Variants in TSPAN4 observed in about 807,000 individuals in gnomAD.
The protein encoded by TSPAN4 is tetraspanin 4, also known as tetraspanin-4.
TSPAN4 carries 38 observed loss-of-function variants against 31.5 expected under a neutral mutation model. The observed-to-expected ratio is 1.21, with a 90% CI of 0.93 to 1.58. The LOEUF (loss-of-function observed/expected upper bound fraction) is 1.58. Ranked by LOEUF, TSPAN4 falls within the 40% of genes most tolerant of loss-of-function variation. TSPAN4 has a pLI of 0.00. For missense variants in TSPAN4, 330 were observed against 317.3 expected, an observed-to-expected ratio of 1.04 and a Z score of -0.30; for synonymous variants, 186 against 144.6, an observed-to-expected ratio of 1.29 and a Z score of -2.06.
intron 3 of TSPAN4, among the ~76,000 whole-genome samples, chr11:859,115 T>TAC (rs1366701021): frequency 1.9e-5 from 1 of 52,024 alleles, no homozygotes; most frequent in Non-Finnish European, 3.7e-5. Flanking sequence ...GGCTCACACG[T>TAC]GCCCTGGCTC....
chr11:853,972 T>C (rs954865543), intron 3 of TSPAN4, among the ~76,000 whole-genome samples: 4 of 152,130 alleles, frequency 2.6e-5, no homozygotes, highest in African/African-American at 9.7e-5. Context: ...TTAGCAATGG[T>C]GAGGGCGTGG....
intron 4 of TSPAN4, chr11:864,177 G>A: frequency 1.8e-6 from 1 of 569,338 alleles, no homozygotes; most frequent in South Asian, 2.1e-5. Context: ...CCAGGGATGG[G>A]GGCAGGGGAG....
chr11:851,708 T>C (rs1270124154), intron 3 of TSPAN4, among the ~76,000 whole-genome samples: 1 of 145,982 alleles, frequency 6.9e-6, no homozygotes, highest in African/African-American at 2.5e-5. Context: ...GTGGGTGTGG[T>C]CTGGAGCTGG....
chr11:848,415 G>C lies in TSPAN4; in HGVS notation c.-18+1115G>C, dbSNP rs529232883. Among the ~76,000 whole-genome samples, 5 of 152,002 alleles carry C rather than the reference G, an allele frequency of 3.3e-5. No homozygotes were observed. The highest frequency in any genetic ancestry group is 5.9e-5 in the Non-Finnish European group (4 of 67,946). ...GGGCCCCCTGTCCCCTTCCCCCAGCGAGGACCTGGGCATGGGGTGCTGCCC... is the reference window on the plus strand; with the variant it reads ...GGGCCCCCTGTCCCCTTCCCCCAGCCAGGACCTGGGCATGGGGTGCTGCCC... On this transcript the variant is annotated intron_variant, in intron 2 of 8. Transcript: ENST00000397397. The surrounding 1 kb of genome is among the most constrained non-coding windows in gnomAD (Gnocchi z 5.7).
chr11:859,202 G>C (rs1848268823), intron 3 of TSPAN4, among the ~76,000 whole-genome samples: 1 of 85,956 alleles, frequency 1.2e-5, no homozygotes, highest in South Asian at 4.5e-4. Flanking sequence ...ATGCACCCAG[G>C]CTCACACACC....
Position 854,581 on chromosome 11 carries a change from C to T in TSPAN4, c.63+4214C>T, listed in dbSNP as rs189057895. ...TCCAGGGCCCCAGCCTGGAGGGGCA[C>T]GGGGGCTGTCCTGGCTCTGCGCTGC... On this transcript the variant is annotated intron_variant, in intron 3 of 8. Transcript: ENST00000397397. Among the ~76,000 whole-genome samples, 46 of 152,304 alleles carry T rather than the reference C, an allele frequency of 3.0e-4. 1 individual carries two copies. The East Asian group carries it at 3.7e-3, about 12-fold the overall frequency.
rs534815258 is a variant in TSPAN4, at chr11:855,187, G to A, written c.63+4820G>A. Among the ~76,000 whole-genome samples the A allele has an allele frequency of 7.6e-4, 116 of 152,282 alleles. 1 individual carries two copies. The highest frequency in any genetic ancestry group is 2.7e-3 in the African/African-American group (113 of 41,548). On this transcript the variant is annotated intron_variant, in intron 3 of 8. Coordinates refer to ENST00000397397, the MANE Select transcript of TSPAN4 (RefSeq NM_003271.5). The stretch of plus-strand genomic sequence containing the variant: ...CAGCTGGCGGCAGGGCAGGCAGGCC[G>A]GGCCTCTGTGTGGAGAGGGCTGTCT...
chr11:849,422 C>T (rs1480524942), intron 2 of TSPAN4, among the ~76,000 whole-genome samples: 3 of 151,996 alleles, frequency 2.0e-5, no homozygotes, highest in African/African-American at 7.2e-5. Context: ...GGTCACCCTC[C>T]ATTTGCGTAG....
At position 866,669 on chromosome 11, in the gene TSPAN4, C is replaced by A. The variant is rs761090659; in HGVS notation, c.*39C>A. On this transcript the variant is annotated 3_prime_UTR_variant, in exon 9 of 9. Transcript: ENST00000397397. ...CGCTTCTCTGCCAAAAGGACGCCCA[C>A]GGGGAGATGGCCGCACCCACAGCTG... 2 of 1,588,278 alleles carry A rather than the reference C, an allele frequency of 1.3e-6. No individual in the cohort carries two copies. The highest frequency in any genetic ancestry group is 1.7e-6 in the Non-Finnish European group (2 of 1,165,616).
Position 864,478 on chromosome 11 carries a change from C to G in TSPAN4, c.297C>G (p.Thr99=), listed in dbSNP as rs1173331445. ...TGCTGGTGTTCCTGCTGGAGGCCAC[C>G]ATCGCCATCCTCTTCTTCGCCTACA... ...LLLLVFLLEA[T]IAILFFAYTD... The change falls in exon 5 of 9, where the codon ACC becomes ACG. Residue 99 remains threonine (T), a synonymous_variant. Transcript: ENST00000397397. 7 of 1,612,852 alleles carry G rather than the reference C, an allele frequency of 4.3e-6. No individual in the cohort carries two copies. The highest frequency in any genetic ancestry group is 5.9e-6 in the Non-Finnish European group (7 of 1,179,948).
At chr11:863,046 T>TACACACGC (rs1226800917) in intron 4 of TSPAN4, 5 of 292,738 alleles carry the variant, frequency 1.7e-5, no homozygotes, top group African/African-American at 1.1e-4. Context: ...CGCACACACG[T>TACACACGC]ACACACGCAT....
intron 3 of TSPAN4, among the ~76,000 whole-genome samples, chr11:852,901 C>CT (rs1554990370): frequency 2.5e-3 from 4 of 1,606 alleles, no homozygotes; most frequent in African/African-American, 5.2e-3. Flanking sequence ...TCTGTCCTGA[C>CT]CCCCCGCTGC....
chr11:865,322 G>GT, intron 5 of TSPAN4, 191 bp from the exon 6 acceptor site: 5 of 594,968 alleles, frequency 8.4e-6, no homozygotes, highest in Non-Finnish European at 1.2e-5. Context: ...AAGCCCAGAG[G>GT]TGGGGGCCCT....
At chr11:845,453 C>G (rs1847264248) in intron 1 of TSPAN4, among the ~76,000 whole-genome samples, 1 of 152,150 alleles carries the variant, frequency 6.6e-6, no homozygotes, top group African/African-American at 2.4e-5. Context: ...GGGGCCGAGA[C>G]TGAACTGACC....
At chr11:866,337 T>G (rs1297784509) in intron 8 of TSPAN4, among the ~76,000 whole-genome samples, 1 of 149,416 alleles carries the variant, frequency 6.7e-6, no homozygotes, top group East Asian at 2.0e-4. Context: ...CAGGAAGTTC[T>G]GGGTGTCCTC....
chr11:862,326 G>T (rs1361235863), intron 3 of TSPAN4: 1 of 559,634 alleles, frequency 1.8e-6, no homozygotes, highest in Non-Finnish European at 3.1e-6. Flanking sequence ...TGTGGCCATG[G>T]AGTGTGGGTT....
In TSPAN4 at chr11:862,538, G is replaced by A. The variant is rs761261898; in HGVS notation, c.64-12G>A. ...TCACCCTGTCTGTGTCTCTCCTGTTGCTGTGCCCCAGCTGGGAGGCTGTGG... is the reference window on the plus strand; with the variant it reads ...TCACCCTGTCTGTGTCTCTCCTGTTACTGTGCCCCAGCTGGGAGGCTGTGG... On this transcript the variant is annotated splice_polypyrimidine_tract_variant and intron_variant, in intron 3 of 8. Transcript: ENST00000397397. 4.4e-6 allele frequency: 7 copies of A among 1,597,308 alleles called. No individual in the cohort carries two copies. The Admixed American group carries it at 8.5e-5, about 19-fold the overall frequency.
At chr11:847,535 G>A (rs1431818141) in intron 2 of TSPAN4, among the ~76,000 whole-genome samples, 8 of 152,104 alleles carry the variant, frequency 5.3e-5, no homozygotes, top group Admixed American at 5.2e-4. Context: ...GCCTTGCCCG[G>A]GCCCCTGACT....
chr11:865,441 C>T lies in TSPAN4; in HGVS notation c.331-72C>T, dbSNP rs930220608. 4.1e-5 allele frequency: 52 copies of T among 1,278,568 alleles called. 1 individual carries two copies. In the Admixed American group the frequency reaches 6.1e-4, roughly 15 times the overall value. 79.2% of individuals were successfully genotyped at this position (1,278,568 alleles called of 1,614,324 possible). Reference sequence around the variant, plus strand: ...CGCAGGAGGGGCCCAGCTTAGGGGCCGGCGAGGGGGTCTGGATGAGGGAGG... The same window carrying T: ...CGCAGGAGGGGCCCAGCTTAGGGGCTGGCGAGGGGGTCTGGATGAGGGAGG... On this transcript the variant is annotated intron_variant, in intron 5 of 8. Coordinates refer to ENST00000397397, the MANE Select transcript of TSPAN4 (RefSeq NM_003271.5).
Sources: gnomAD v4.1 joint callset for allele counts (sites outside exome capture counted in the v4.1 genomes callset) on GRCh38, gnomAD v4.1.1 for gene constraint, Gnocchi (gnomAD v3.1) non-coding constraint, MANE v1.5 for transcripts, NCBI Gene and HGNC (gene_info 2026-07-23, HGNC 2026-07-21) for gene names.